The following PTCSC3 variants were observed in gnomAD, a reference collection of about 807,000 sequenced individuals.
The protein encoded by PTCSC3 is papillary thyroid carcinoma susceptibility candidate 3.
chr14:36,156,699 T>A (rs1177819006), intron 2 of PTCSC3, among the ~76,000 whole-genome samples: 1 of 152,104 alleles, frequency 6.6e-6, no homozygotes, highest in Non-Finnish European at 1.5e-5. Context: ...TTGCTGAGAA[T>A]GATGGTTTCC....
intron 3 of PTCSC3, among the ~76,000 whole-genome samples, chr14:36,151,115 T>A (rs957771206): frequency 6.6e-6 from 1 of 152,190 alleles, no homozygotes; most frequent in Non-Finnish European, 1.5e-5. Context: ...AAAGCCTTTA[T>A]AATTTTTTCA....
intron 1 of PTCSC3, among the ~76,000 whole-genome samples, chr14:36,166,718 T>C (rs1203224787): frequency 6.6e-6 from 1 of 152,196 alleles, no homozygotes; most frequent in Non-Finnish European, 1.5e-5. Context: ...AAATAGAAGG[T>C]ATGATAATAT....
intron 2 of PTCSC3, among the ~76,000 whole-genome samples, chr14:36,159,784 G>C (rs1329683233): frequency 6.6e-6 from 1 of 152,096 alleles, no homozygotes; most frequent in Non-Finnish European, 1.5e-5. Flanking sequence ...CTGAGTTAAA[G>C]TCCTGAATAT....
chr14:36,143,203 T>C (rs1239621789), intron 3 of PTCSC3, among the ~76,000 whole-genome samples: 1 of 148,250 alleles, frequency 6.7e-6, no homozygotes, highest in Non-Finnish European at 1.5e-5. Flanking sequence ...AAATGGTATT[T>C]CCAGTTCTAG....
intron 1 of PTCSC3, among the ~76,000 whole-genome samples, chr14:36,174,035 T>C (rs1207825039): frequency 6.6e-6 from 1 of 152,160 alleles, no homozygotes; most frequent in Admixed American, 6.5e-5. Context: ...ATCTTGGTTT[T>C]CAGCAGTTTA....
At chr14:36,143,051 C>T (rs1159332466) in intron 3 of PTCSC3, among the ~76,000 whole-genome samples, 2 of 151,844 alleles carry the variant, frequency 1.3e-5, no homozygotes, top group African/African-American at 4.8e-5. Flanking sequence ...TTAATCCAGT[C>T]TATCATTGTT....
Position 36,171,774 on chromosome 14 carries a change from G to A in PTCSC3, n.171+4524C>T, listed in dbSNP as rs373446728. Among the ~76,000 whole-genome samples the A allele has an allele frequency of 3.4e-3, 524 of 152,276 alleles. 3 individuals carry two copies. The highest frequency in any genetic ancestry group is 0.017 in the Middle Eastern group (5 of 294). ...GTTTAAGAAACGTTTTGCCACATGA[G>A]GAGGCTGGCTAGGTGGTGGGAGGGG... On this transcript the variant is annotated intron_variant and non_coding_transcript_variant, in intron 1 of 3. Coordinates refer to ENST00000556013, the Ensembl canonical transcript of PTCSC3.
chr14:36,165,779 C>T (rs146466284), intron 1 of PTCSC3, among the ~76,000 whole-genome samples: 37 of 143,062 alleles, frequency 2.6e-4, no homozygotes, highest in Admixed American at 8.7e-4. Context: ...TGCTTCAGGA[C>T]GATAATGAAA....
At chr14:36,139,219 C>A (rs1243168687) in intron 3 of PTCSC3, among the ~76,000 whole-genome samples, 1 of 146,650 alleles carries the variant, frequency 6.8e-6, no homozygotes, top group African/African-American at 2.5e-5. Flanking sequence ...GAACTGAAAA[C>A]AATTGAAGGT....
chr14:36,164,545 AT>A (rs1882044251), intron 1 of PTCSC3, among the ~76,000 whole-genome samples: 1 of 152,016 alleles, frequency 6.6e-6, no homozygotes, highest in South Asian at 2.1e-4. Flanking sequence ...AAATTAGAAA[AT>A]TTTCCAGGAA....
chr14:36,138,181 G>GA (rs58068418), intron 3 of PTCSC3, among the ~76,000 whole-genome samples: 87,889 of 151,982 alleles, frequency 0.58, 25,928 homozygotes, highest in Non-Finnish European at 0.63. Flanking sequence ...CCATGTGGGG[G>GA]AAAAATGAAT....
chr14:36,136,035 A>G (rs1330771932), downstream of PTCSC3: 1 of 152,332 alleles, frequency 6.6e-6, no homozygotes, highest in East Asian at 1.9e-4. Context: ...CAGTCCCAAA[A>G]CTGAAAAACT....
At chr14:36,147,424 T>G (rs368974213) in intron 3 of PTCSC3, among the ~76,000 whole-genome samples, 1 of 152,166 alleles carries the variant, frequency 6.6e-6, no homozygotes, top group Non-Finnish European at 1.5e-5. Flanking sequence ...CATCTTCCAT[T>G]GCTGATACCC....
At chr14:36,137,747 A>G (rs1881320374) in intron 3 of PTCSC3, among the ~76,000 whole-genome samples, 1 of 152,214 alleles carries the variant, frequency 6.6e-6, no homozygotes, top group Admixed American at 6.5e-5. Context: ...GGAGCAACTA[A>G]CATGGTGAAG....
intron 2 of PTCSC3, among the ~76,000 whole-genome samples, chr14:36,160,172 CTT>C (rs1437529763): frequency 6.6e-6 from 1 of 152,122 alleles, no homozygotes; most frequent in Non-Finnish European, 1.5e-5. Flanking sequence ...GGTCTTGACT[CTT>C]TATCCAATTT....
At chr14:36,146,055 A>G (rs1296030493) in intron 3 of PTCSC3, among the ~76,000 whole-genome samples, 1 of 151,136 alleles carries the variant, frequency 6.6e-6, no homozygotes, top group Non-Finnish European at 1.5e-5. Context: ...GTTCTTTTAC[A>G]TTTGCTGAGG....
intron 3 of PTCSC3, among the ~76,000 whole-genome samples, chr14:36,140,778 C>A (rs976890665): frequency 1.3e-5 from 2 of 151,830 alleles, no homozygotes; most frequent in Non-Finnish European, 2.9e-5. Context: ...ATGGATTGTA[C>A]CTTTGATGTT....
intron 3 of PTCSC3, among the ~76,000 whole-genome samples, chr14:36,138,518 A>G (rs898979558): frequency 6.6e-6 from 1 of 152,228 alleles, no homozygotes; most frequent in African/African-American, 2.4e-5. Context: ...TCACTAAAAA[A>G]TTTGGCAAAA....
chr14:36,161,809 G>A (rs1881961684), intron 2 of PTCSC3, among the ~76,000 whole-genome samples: 1 of 152,186 alleles, frequency 6.6e-6, no homozygotes, highest in South Asian at 2.1e-4. Flanking sequence ...TAAGTCTGCT[G>A]AAGTTGCACC....
Sources: allele counts gnomAD v4.1 joint callset (sites outside exome capture counted in the v4.1 genomes callset), GRCh38; gene constraint gnomAD v4.1.1; transcripts MANE v1.5; gene names NCBI Gene and HGNC (gene_info 2026-07-23, HGNC 2026-07-21).